The following IL33 variants were observed in gnomAD, a reference collection of about 807,000 sequenced individuals.
IL33 encodes the protein interleukin-33.
IL33 carries 37 observed loss-of-function variants against 27.3 expected under a neutral mutation model. The observed-to-expected ratio is 1.36, with a 90% confidence interval of 1.04 to 1.78. The LOEUF (loss-of-function observed/expected upper bound fraction) is 1.78, where lower values mean the gene tolerates loss of function less well. Ranked by LOEUF, IL33 falls within the 40% of genes most tolerant of loss-of-function variation. IL33 has a pLI of 0.00. For missense variants in IL33, 406 were observed against 311.4 expected (o/e 1.30, Z -2.29); for synonymous variants, 132 against 102.9 (o/e 1.28, Z -1.71).
intron 7 of IL33, 53 bp from the exon 8 acceptor site, chr9:6,255,915 T>A: frequency 6.9e-7 from 1 of 1,444,120 alleles, no homozygotes; most frequent in Non-Finnish European, 9.7e-7. Context: ...CAGGTAAAGT[T>A]GACTCTGAAC....
intron 4 of IL33, among the ~76,000 whole-genome samples, chr9:6,252,056 C>T (rs375783277): frequency 8.8e-6 from 1 of 114,282 alleles, no homozygotes; most frequent in African/African-American, 3.3e-5. Context: ...AACAAACAAA[C>T]AAAAAAAAAC....
At chr9:6,234,293 A>G (rs1040088105) in intron 1 of IL33, among the ~76,000 whole-genome samples, 1 of 152,188 alleles carries the variant, frequency 6.6e-6, no homozygotes, top group African/African-American at 2.4e-5. Flanking sequence ...TGAAATGTCC[A>G]TATAACTGTT....
intron 1 of IL33, among the ~76,000 whole-genome samples, chr9:6,220,610 C>T (rs1333145544): frequency 1.3e-5 from 2 of 151,994 alleles, no homozygotes; most frequent in East Asian, 3.9e-4. Flanking sequence ...TTTATTAGTT[C>T]CAAAGTTTTT....
chr9:6,216,777 A>G (rs1273390766), intron 1 of IL33, among the ~76,000 whole-genome samples: 3 of 152,192 alleles, frequency 2.0e-5, no homozygotes, highest in Non-Finnish European at 4.4e-5. Flanking sequence ...CTTTGAATAA[A>G]AAATAGCTTC....
intron 2 of IL33, among the ~76,000 whole-genome samples, chr9:6,242,909 G>C (rs932140301): frequency 6.6e-6 from 1 of 152,226 alleles, no homozygotes; most frequent in African/African-American, 2.4e-5. Context: ...GATGGAAAGG[G>C]AAGGGAAACC....
At chr9:6,215,427 G>C (rs1385620996), upstream of IL33, among the ~76,000 whole-genome samples, 1 of 152,104 alleles carries the variant, frequency 6.6e-6, no homozygotes, top group East Asian at 1.9e-4. Context: ...CTATTATAAA[G>C]GAATTTGGAA....
intron 7 of IL33, 25 bp from the exon 8 acceptor site, chr9:6,255,943 A>T: frequency 6.3e-7 from 1 of 1,599,720 alleles, no homozygotes; most frequent in African/African-American, 1.3e-5. Flanking sequence ...TCACATATGG[A>T]TTGCTTTCTC....
chr9:6,239,504 G>T (rs1462313746), intron 1 of IL33, among the ~76,000 whole-genome samples: 10 of 152,122 alleles, frequency 6.6e-5, no homozygotes, highest in Non-Finnish European at 1.5e-5. Flanking sequence ...GTCCTAACCA[G>T]TTTTTCACAC....
rs1816792060 is a variant in IL33 at position 6,257,287 on chromosome 9, G to A, written c.*1119G>A. 6.6e-6 allele frequency: 1 copy of A among 152,044 alleles called. No homozygotes were observed. Among genetic ancestry groups the A allele is most frequent in the African/African-American group, 2.4e-5 (1 of 41,384 alleles). The allele number at this position is 152,044 out of a possible 1,614,324, so 9.4% of individuals were successfully genotyped here. ...TGTATTCCAGCTTCCTGATAACACTGCTTACTGTGGAATATTCATTTGACA... is the reference window on the plus strand; with the variant it reads ...TGTATTCCAGCTTCCTGATAACACTACTTACTGTGGAATATTCATTTGACA... On this transcript the variant is annotated 3_prime_UTR_variant, in exon 8 of 8. Coordinates refer to ENST00000682010, the MANE Select transcript of IL33 (RefSeq NM_033439.4).
At chr9:6,220,041 A>G (rs1188839489) in intron 1 of IL33, among the ~76,000 whole-genome samples, 1 of 152,220 alleles carries the variant, frequency 6.6e-6, no homozygotes, top group Non-Finnish European at 1.5e-5. Flanking sequence ...GAAAATATTG[A>G]TGAAGTGACA....
chr9:6,224,881 A>C (rs1818561287), intron 1 of IL33, among the ~76,000 whole-genome samples: 1 of 152,154 alleles, frequency 6.6e-6, no homozygotes, highest in Non-Finnish European at 1.5e-5. Context: ...CTCAGGCAGA[A>C]TAGATTTTTT....
At chr9:6,237,195 G>C (rs945023895) in intron 1 of IL33, among the ~76,000 whole-genome samples, 4 of 152,026 alleles carry the variant, frequency 2.6e-5, no homozygotes, top group African/African-American at 9.7e-5. Flanking sequence ...ATTGGGAATA[G>C]CAGCAAAAAA....
At chr9:6,254,834 GA>G (rs1347788786) in intron 7 of IL33, among the ~76,000 whole-genome samples, 1 of 152,050 alleles carries the variant, frequency 6.6e-6, no homozygotes, top group Non-Finnish European at 1.5e-5. Context: ...AAGCCCCCCA[GA>G]AATAAATCAG....
At chr9:6,255,938 T>C (rs765284110) in intron 7 of IL33, 30 bp from the exon 8 acceptor site, 14 of 1,588,370 alleles carry the variant, frequency 8.8e-6, no homozygotes, top group Non-Finnish European at 1.2e-5. Context: ...CCCATTCACA[T>C]ATGGATTGCT....
At position 6,240,174 on chromosome 9, in the gene IL33, C is replaced by T. The variant is rs887205657; in HGVS notation, c.-11-1510C>T. Among the ~76,000 whole-genome samples, 6 of 152,296 alleles carry T rather than the reference C, an allele frequency of 3.9e-5. 1 individual carries two copies. The highest frequency in any genetic ancestry group is 4.1e-4 in the South Asian group (2 of 4,828). On this transcript the variant is annotated intron_variant, in intron 1 of 7. Transcript: ENST00000682010. ...ATTCTGAGCCAAATATGAGTGACCA[C>T]GGCCTGTGACAAAGCCCTCAGGAGA...
At chr9:6,216,617 G>A (rs1405402542) in intron 1 of IL33, among the ~76,000 whole-genome samples, 1 of 151,926 alleles carries the variant, frequency 6.6e-6, no homozygotes, top group Non-Finnish European at 1.5e-5. Context: ...GTGTGGTGGT[G>A]GGCACCTGTA....
chr9:6,249,175 T>C (rs552102575), intron 2 of IL33, among the ~76,000 whole-genome samples: 7 of 152,194 alleles, frequency 4.6e-5, no homozygotes, highest in Non-Finnish European at 8.8e-5. Context: ...CAGTTGAAGA[T>C]AGTTAAAGGT....
At chr9:6,225,826 G>C (rs959725506) in intron 1 of IL33, among the ~76,000 whole-genome samples, 6 of 151,858 alleles carry the variant, frequency 4.0e-5, no homozygotes, top group African/African-American at 1.2e-4. Flanking sequence ...TAGCTCAAGC[G>C]ACCCTCCTAC....
chr9:6,253,547 T>G lies in IL33; in HGVS notation c.470-5T>G, dbSNP rs776045510. On this transcript the variant is annotated splice_polypyrimidine_tract_variant and splice_region_variant and intron_variant, in intron 5 of 7. Coordinates refer to ENST00000682010, the MANE Select transcript of IL33 (RefSeq NM_033439.4). The stretch of plus-strand genomic sequence containing the variant: ...ACCAGAGGGATTTTATGCATTCTCT[T>G]TCAGATAAGGTGTTACTGAGTTACT... 1 of 1,598,050 alleles carries G rather than the reference T, an allele frequency of 6.3e-7. No individual in the cohort carries two copies.
Sources: gnomAD v4.1 joint callset for allele counts (sites outside exome capture counted in the v4.1 genomes callset) on GRCh38, gnomAD v4.1.1 for gene constraint, MANE v1.5 for transcripts, NCBI Gene and HGNC (gene_info 2026-07-23, HGNC 2026-07-21) for gene names.